Variants in SGCZ observed in about 807,000 individuals in gnomAD.
The protein encoded by SGCZ is sarcoglycan zeta.
Under a neutral mutation model 41.3 loss-of-function variants are expected in SGCZ, and 40 were observed. The observed-to-expected ratio is 0.97, with a 90% CI of 0.75 to 1.26. The LOEUF (loss-of-function observed/expected upper bound fraction) is 1.26, where lower values mean the gene tolerates loss of function less well. Ranked by LOEUF, SGCZ falls within the 50% of genes most tolerant of loss-of-function variation. The probability of loss-of-function intolerance (pLI) is 0.00; values close to 1 mark genes in which losing one functional copy is unlikely to be tolerated. For synonymous variants in SGCZ, 206 were observed against 137.5 expected (o/e 1.50, Z -3.49); for missense variants, 552 against 369.8 (o/e 1.49, Z -4.04).
At chr8:15,056,819 A>C (rs1804723915) in intron 1 of SGCZ, among the ~76,000 whole-genome samples, 1 of 152,136 alleles carries the variant, frequency 6.6e-6, no homozygotes, top group South Asian at 2.1e-4. Flanking sequence ...AGGGTCTCCA[A>C]ATTGTGCCAG....
intron 1 of SGCZ, among the ~76,000 whole-genome samples, chr8:14,682,656 G>C (rs991318668): frequency 6.6e-6 from 1 of 152,058 alleles, no homozygotes; most frequent in Non-Finnish European, 1.5e-5. Flanking sequence ...GGATGGTCTC[G>C]ATCTCCTGAC....
At chr8:14,458,887 G>T (rs1299431672) in intron 2 of SGCZ, among the ~76,000 whole-genome samples, 1 of 152,130 alleles carries the variant, frequency 6.6e-6, no homozygotes, top group South Asian at 2.1e-4. Context: ...TCTTGGAGAA[G>T]TTGCTGATCG....
intron 2 of SGCZ, among the ~76,000 whole-genome samples, chr8:14,329,927 T>A (rs1802254695): frequency 6.6e-6 from 1 of 152,146 alleles, no homozygotes; most frequent in African/African-American, 2.4e-5. Context: ...TTGTTTGTTT[T>A]TCAGAACAGC....
chr8:14,798,488 C>A (rs575059400), intron 1 of SGCZ, among the ~76,000 whole-genome samples: 7 of 152,172 alleles, frequency 4.6e-5, no homozygotes, highest in African/African-American at 1.7e-4. Context: ...GAAAAATAAA[C>A]TATGTACATG....
intron 2 of SGCZ, among the ~76,000 whole-genome samples, chr8:14,443,300 GA>G (rs1419184427): frequency 1.3e-5 from 2 of 151,284 alleles, no homozygotes; most frequent in East Asian, 2.0e-4. Flanking sequence ...CACAGAATTG[GA>G]AAAAACGACT....
chr8:14,789,181 A>C (rs1800870299), intron 1 of SGCZ, among the ~76,000 whole-genome samples: 1 of 152,100 alleles, frequency 6.6e-6, no homozygotes, highest in African/African-American at 2.4e-5. Flanking sequence ...CTTGGGGGCC[A>C]TTTTAAACAG....
At chr8:14,897,913 T>C (rs1425890656) in intron 1 of SGCZ, among the ~76,000 whole-genome samples, 1 of 152,124 alleles carries the variant, frequency 6.6e-6, no homozygotes, top group Non-Finnish European at 1.5e-5. Flanking sequence ...TATCCAGGCA[T>C]TAAGGGATAG....
In SGCZ at chr8:14,929,761, T is replaced by C. The variant is rs1309725104; in HGVS notation, c.39+307824A>G. ...AGGTTTTCATGGGTAATTAATGTCT[T>C]TATTGCCCAGAAACAGATAACACCT... On this transcript the variant is annotated intron_variant, in intron 1 of 7. Transcript: ENST00000382080. Among the ~76,000 whole-genome samples the C allele has an allele frequency of 2.0e-5, 3 of 151,978 alleles. No individual in the cohort carries two copies. The East Asian group carries it at 5.8e-4, about 29-fold the overall frequency.
intron 2 of SGCZ, among the ~76,000 whole-genome samples, chr8:14,521,722 C>A (rs530087494): frequency 6.6e-6 from 1 of 152,210 alleles, no homozygotes; most frequent in Non-Finnish European, 1.5e-5. Flanking sequence ...ATATTCCAAA[C>A]GGCTATATCA....
At chr8:14,206,531 T>G (rs1805621092) in intron 4 of SGCZ, among the ~76,000 whole-genome samples, 1 of 152,202 alleles carries the variant, frequency 6.6e-6, no homozygotes, top group South Asian at 2.1e-4. Context: ...TTTGAAATCC[T>G]GCTTTGCTGC....
At chr8:14,384,162 G>T (rs566113316) in intron 2 of SGCZ, among the ~76,000 whole-genome samples, 2 of 151,948 alleles carry the variant, frequency 1.3e-5, no homozygotes, top group South Asian at 4.2e-4. Context: ...TCCCCTTCCT[G>T]TGTCCATGTG....
At chr8:14,344,190 T>C (rs532536655) in intron 2 of SGCZ, among the ~76,000 whole-genome samples, 1 of 151,930 alleles carries the variant, frequency 6.6e-6, no homozygotes, top group African/African-American at 2.4e-5. Flanking sequence ...AACAAGTGAA[T>C]AGGGGTACAG....
chr8:14,418,871 C>T (rs1274907186), intron 2 of SGCZ, among the ~76,000 whole-genome samples: 1 of 151,948 alleles, frequency 6.6e-6, no homozygotes, highest in Non-Finnish European at 1.5e-5. Flanking sequence ...GGAACCCCCA[C>T]ATTTTATTTT....
chr8:14,458,637 C>T (rs1331494541), intron 2 of SGCZ, among the ~76,000 whole-genome samples: 3 of 152,056 alleles, frequency 2.0e-5, no homozygotes, highest in Non-Finnish European at 4.4e-5. Context: ...AGCTGTGTAG[C>T]AACATGTGGA....
intron 1 of SGCZ, among the ~76,000 whole-genome samples, chr8:14,899,327 G>C (rs1321244521): frequency 6.6e-6 from 1 of 151,798 alleles, no homozygotes; most frequent in African/African-American, 2.4e-5. Flanking sequence ...TCTTCCATCT[G>C]TCCAATATTT....
At chr8:14,863,123 G>C (rs1021838619) in intron 1 of SGCZ, among the ~76,000 whole-genome samples, 1 of 151,958 alleles carries the variant, frequency 6.6e-6, no homozygotes, top group Non-Finnish European at 1.5e-5. Context: ...CTTGCCTTAG[G>C]TCACACAGCC....
chr8:14,408,521 C>G (rs1177860447), intron 2 of SGCZ, among the ~76,000 whole-genome samples: 1 of 152,180 alleles, frequency 6.6e-6, no homozygotes, highest in Non-Finnish European at 1.5e-5. Context: ...CTGCACACAT[C>G]TTCTGGTTCC....
At chr8:14,895,446 T>C (rs1389280928) in intron 1 of SGCZ, among the ~76,000 whole-genome samples, 1 of 152,188 alleles carries the variant, frequency 6.6e-6, no homozygotes, top group African/African-American at 2.4e-5. Flanking sequence ...TCTACTCTCC[T>C]GGAAATCTTA....
intron 1 of SGCZ, among the ~76,000 whole-genome samples, chr8:14,958,345 T>G (rs897285692): frequency 1.3e-5 from 2 of 152,026 alleles, no homozygotes; most frequent in African/African-American, 2.4e-5. Context: ...ACAAATGAAA[T>G]GTTGGTCAAT....
Sources: allele counts gnomAD v4.1 joint callset (sites outside exome capture counted in the v4.1 genomes callset), GRCh38; gene constraint gnomAD v4.1.1; transcripts MANE v1.5; gene names NCBI Gene and HGNC (gene_info 2026-07-23, HGNC 2026-07-21).